Variants in PCMTD1 observed in about 807,000 individuals in gnomAD.
The protein encoded by PCMTD1 is protein-L-isoaspartate (D-aspartate) O-methyltransferase domain containing 1.
PCMTD1 carries 12 observed loss-of-function variants against 37.6 expected under a neutral mutation model. That is an observed-to-expected ratio of 0.32 (90% CI 0.20 to 0.52). PCMTD1 has a LOEUF of 0.52. PCMTD1 is among the 20% of genes least tolerant of loss of function. The pLI, the probability that PCMTD1 is intolerant of heterozygous loss-of-function variation, is 0.97. For missense variants in PCMTD1, 235 were observed against 421.3 expected (o/e 0.56, Z 3.87); for synonymous variants, 117 against 135.8 (o/e 0.86, Z 0.96).
intron 5 of PCMTD1, among the ~76,000 whole-genome samples, chr8:51,826,675 G>A (rs902479308): frequency 6.6e-6 from 1 of 152,076 alleles, no homozygotes; most frequent in Non-Finnish European, 1.5e-5. Flanking sequence ...ATTGAAAACG[G>A]CATTTTATTT....
intron 5 of PCMTD1, among the ~76,000 whole-genome samples, chr8:51,830,605 C>G (rs919815628): frequency 6.6e-6 from 1 of 152,168 alleles, no homozygotes; most frequent in African/African-American, 2.4e-5. Flanking sequence ...ACTGGCCTGC[C>G]TGCCTTTTTT....
intron 3 of PCMTD1, chr8:51,845,415 TAATG>T (rs2038203373): frequency 2.8e-6 from 1 of 351,392 alleles, no homozygotes; most frequent in Non-Finnish European, 5.3e-6. Flanking sequence ...GCTGAATGTT[TAATG>T]AATTCAACAT....
chr8:51,873,394 T>C (rs1049709405), intron 1 of PCMTD1, among the ~76,000 whole-genome samples: 1 of 152,206 alleles, frequency 6.6e-6, no homozygotes, highest in Non-Finnish European at 1.5e-5. Context: ...AATGATACTA[T>C]AGTTTAATTT....
chr8:51,896,501 T>C (rs969762404), intron 1 of PCMTD1: 1 of 152,188 alleles, frequency 6.6e-6, no homozygotes, highest in Non-Finnish European at 1.5e-5. Flanking sequence ...TATGAGACTA[T>C]CCTTCCGAGT....
At chr8:51,858,907 G>A (rs1005617566) in intron 2 of PCMTD1, among the ~76,000 whole-genome samples, 1 of 152,128 alleles carries the variant, frequency 6.6e-6, no homozygotes, top group Non-Finnish European at 1.5e-5. Context: ...TGCCCATGTC[G>A]TGATTAAGAC....
At chr8:51,870,232 AG>A (rs1306754803) in intron 1 of PCMTD1, 1 of 152,176 alleles carries the variant, frequency 6.6e-6, no homozygotes, top group African/African-American at 2.4e-5. Flanking sequence ...CCAGCTCTAG[AG>A]GGAAGCTTAC....
chr8:51,895,925 A>G (rs2038992783), intron 1 of PCMTD1: 2 of 129,974 alleles, frequency 1.5e-5, no homozygotes, highest in African/African-American at 6.0e-5. Context: ...TAATGTTAGT[A>G]TTTGTCCCAT....
At chr8:51,849,897 T>TGA in intron 2 of PCMTD1, 1 of 608,160 alleles carries the variant, frequency 1.6e-6, no homozygotes, top group Non-Finnish European at 2.9e-6. Flanking sequence ...AGTAGAAGAC[T>TGA]GAGGCAGACC....
intron 2 of PCMTD1, among the ~76,000 whole-genome samples, chr8:51,858,034 ACCTAACTTAC>A (rs1384998187): frequency 3.9e-5 from 6 of 151,992 alleles, no homozygotes; most frequent in African/African-American, 1.5e-4. Context: ...TAAAAGAAAA[ACCTAACTTAC>A]TCTCACTGAA....
intron 4 of PCMTD1, 74 bp from the exon 5 acceptor site, chr8:51,831,641 T>C (rs2038000097): frequency 2.0e-6 from 3 of 1,472,898 alleles, no homozygotes; most frequent in Non-Finnish European, 2.7e-6. Flanking sequence ...GTCAAAACTT[T>C]GTTTTAAGGG....
intron 2 of PCMTD1, among the ~76,000 whole-genome samples, chr8:51,859,910 T>C (rs972382378): frequency 6.6e-6 from 1 of 152,178 alleles, no homozygotes; most frequent in African/African-American, 2.4e-5. Context: ...GTTGATTTTG[T>C]CTTCTCACAC....
At chr8:51,854,723 A>G (rs2038357684) in intron 2 of PCMTD1, among the ~76,000 whole-genome samples, 1 of 152,108 alleles carries the variant, frequency 6.6e-6, no homozygotes, top group South Asian at 2.1e-4. Context: ...CTAAAAATAC[A>G]AAAATTAGCT....
chr8:51,889,886 GT>G lies in PCMTD1; in HGVS notation c.-96+9043del, dbSNP rs1442780958. Among the ~76,000 whole-genome samples the G allele has an allele frequency of 1.1e-4, 17 of 150,858 alleles. 1 individual carries two copies. In the Admixed American group the frequency reaches 1.1e-3, roughly 10 times the overall value. On this transcript the variant is annotated intron_variant, in intron 1 of 5. Transcript: ENST00000522514. ...TATACGTGTGTGTGTGTGTGTGTGTGTGTGTGTACACACAAAAATATATATT... is the reference window on the plus strand; with the variant it reads ...TATACGTGTGTGTGTGTGTGTGTGTGGTGTGTACACACAAAAATATATATT...
chr8:51,818,213 G>A lies in PCMTD1; in HGVS notation c.*2138C>T. The A allele has an allele frequency of 3.5e-6, 1 of 287,996 alleles. No individual in the cohort carries two copies. The highest frequency in any genetic ancestry group is 3.2e-5 in the South Asian group (1 of 30,908). 17.8% of individuals were successfully genotyped at this position (287,996 alleles called of 1,614,324 possible). On this transcript the variant is annotated 3_prime_UTR_variant, in exon 6 of 6. Coordinates refer to ENST00000522514, the MANE Select transcript of PCMTD1 (RefSeq NM_052937.4). ...CTTAAAGTCAATGATAAACTCACAA[G>A]TGTAAAATGAATGCATTTAAAAACA...
chr8:51,855,286 G>A (rs1462215563), intron 2 of PCMTD1, among the ~76,000 whole-genome samples: 4 of 151,262 alleles, frequency 2.6e-5, no homozygotes, highest in African/African-American at 9.7e-5. Context: ...CCAGCACTTT[G>A]GGAGGCCAAA....
At chr8:51,832,991 G>A (rs2038017836) in intron 4 of PCMTD1, among the ~76,000 whole-genome samples, 1 of 152,142 alleles carries the variant, frequency 6.6e-6, no homozygotes. Flanking sequence ...GACTACAGGT[G>A]CATCACCACG....
intron 2 of PCMTD1, among the ~76,000 whole-genome samples, chr8:51,857,621 G>A (rs2038410752): frequency 6.6e-6 from 1 of 152,124 alleles, no homozygotes; most frequent in South Asian, 2.1e-4. Context: ...ACTGAGAGGA[G>A]AATCAACTAA....
chr8:51,842,841 G>T (rs2038166756), intron 3 of PCMTD1, among the ~76,000 whole-genome samples: 1 of 152,038 alleles, frequency 6.6e-6, no homozygotes, highest in African/African-American at 2.4e-5. Flanking sequence ...AAAAAAACTG[G>T]AAGAATATTA....
In PCMTD1 at chr8:51,867,474, ATGGTG is replaced by A. The variant is rs1212093219; in HGVS notation, c.-95-6233_-95-6229del. ...ATCATCAGAGGAATGGGTAAAGAAA[ATGGTG>A]TGTGTGTGTGTGTGTGTGTGTGTGT... On this transcript the variant is annotated intron_variant, in intron 1 of 5. Transcript: ENST00000522514. Among the ~76,000 whole-genome samples the A allele has an allele frequency of 3.0e-3, 402 of 133,432 alleles. 1 individual carries two copies. The highest frequency in any genetic ancestry group is 0.012 in the African/African-American group (373 of 31,846). 87.5% of individuals were successfully genotyped at this position (133,432 alleles called of 152,430 possible).
Sources: allele counts gnomAD v4.1 joint callset (sites outside exome capture counted in the v4.1 genomes callset), GRCh38; gene constraint gnomAD v4.1.1; transcripts MANE v1.5; gene names NCBI Gene and HGNC (gene_info 2026-07-23, HGNC 2026-07-21).